DLG2: variants seen among roughly 807,000 people sequenced by gnomAD.
The protein encoded by DLG2 is disks large homolog 2.
Under a neutral mutation model 132.5 loss-of-function variants are expected in DLG2, and 45 were observed. The observed-to-expected ratio is 0.34, with a 90% confidence interval of 0.27 to 0.44. DLG2 has a LOEUF of 0.44. Ranked by LOEUF, DLG2 falls within the 20% of genes least tolerant of loss-of-function variation. The probability of loss-of-function intolerance (pLI) is 1.00; values close to 1 mark genes in which losing one functional copy is unlikely to be tolerated. For missense variants in DLG2, 1,045 were observed against 1,196.9 expected (o/e 0.87, Z 1.87); for synonymous variants, 424 against 419.6 (o/e 1.01, Z -0.13).
intron 7 of DLG2, among the ~76,000 whole-genome samples, chr11:84,516,558 T>G (rs1275106922): frequency 1.3e-5 from 2 of 151,542 alleles, no homozygotes; most frequent in Non-Finnish European, 3.0e-5. Context: ...ACAAGGAGAT[T>G]GAATCAGTAT....
chr11:84,055,468 A>T lies in DLG2; in HGVS notation c.919+3847T>A, dbSNP rs1405060248. On this transcript the variant is annotated intron_variant, in intron 11 of 27. Coordinates refer to ENST00000376104, the MANE Select transcript of DLG2 (RefSeq NM_001142699.3). ...TCAATATAAACACAAATCTTCAAAT[A>T]TGGTGAACAAAGCTAAGCATGATCT... Among the ~76,000 whole-genome samples the T allele has an allele frequency of 3.3e-5, 5 of 152,228 alleles. No homozygotes were observed. In the East Asian group the frequency reaches 9.7e-4, roughly 29 times the overall value.
At chr11:84,234,993 G>T (rs1036415213) in intron 8 of DLG2, among the ~76,000 whole-genome samples, 2 of 152,088 alleles carry the variant, frequency 1.3e-5, no homozygotes, top group African/African-American at 4.8e-5. Flanking sequence ...TCTATTATTC[G>T]CTGTGAAGCC....
At chr11:84,481,696 C>T (rs1043007771) in intron 7 of DLG2, among the ~76,000 whole-genome samples, 6 of 152,262 alleles carry the variant, frequency 3.9e-5, no homozygotes, top group South Asian at 2.1e-4. Flanking sequence ...TAGCTCTGTG[C>T]CCTCTGCTCC....
intron 7 of DLG2, among the ~76,000 whole-genome samples, chr11:84,473,755 ATACTT>A (rs1387946955): frequency 2.6e-5 from 4 of 152,078 alleles, no homozygotes; most frequent in Non-Finnish European, 5.9e-5. Flanking sequence ...ATGGCACTAA[ATACTT>A]TAAGTCAGAG....
intron 3 of DLG2, among the ~76,000 whole-genome samples, chr11:85,511,401 C>A (rs1251530751): frequency 6.6e-6 from 1 of 151,696 alleles, no homozygotes; most frequent in African/African-American, 2.4e-5. Flanking sequence ...AGAAATATGT[C>A]TTAATCCTAA....
At chr11:83,705,017 G>C (rs1329629266) in intron 18 of DLG2, among the ~76,000 whole-genome samples, 1 of 152,006 alleles carries the variant, frequency 6.6e-6, no homozygotes, top group Non-Finnish European at 1.5e-5. Flanking sequence ...TATACCTCCT[G>C]AATCTAAAAT....
intron 3 of DLG2, among the ~76,000 whole-genome samples, chr11:85,400,587 G>T (rs2087960858): frequency 1.4e-5 from 2 of 145,602 alleles, no homozygotes; most frequent in Non-Finnish European, 3.0e-5. Flanking sequence ...ATACACCATG[G>T]AATACTATGC....
intron 4 of DLG2, among the ~76,000 whole-genome samples, chr11:85,191,019 T>TA (rs1366829630): frequency 6.6e-6 from 1 of 152,194 alleles, no homozygotes; most frequent in Non-Finnish European, 1.5e-5. Flanking sequence ...ACTGGGTACA[T>TA]ACCCAGAGGA....
intron 5 of DLG2, among the ~76,000 whole-genome samples, chr11:85,142,206 AT>A (rs1182539615): frequency 1.3e-5 from 2 of 151,682 alleles, no homozygotes; most frequent in African/African-American, 4.8e-5. Context: ...ATATCTTTCC[AT>A]TTTTTGTGCC....
At chr11:84,641,459 C>T (rs748076011) in intron 6 of DLG2, among the ~76,000 whole-genome samples, 3 of 152,132 alleles carry the variant, frequency 2.0e-5, no homozygotes, top group Non-Finnish European at 4.4e-5. Context: ...TCAAAGATTC[C>T]CCTTCCTTCT....
At position 84,825,548 on chromosome 11, in the gene DLG2, C is replaced by T. The variant is rs149168647; in HGVS notation, c.357+286113G>A. Among the ~76,000 whole-genome samples, 725 of 151,974 alleles carry T rather than the reference C, an allele frequency of 4.8e-3. 5 individuals carry two copies. Among genetic ancestry groups the T allele is most frequent in the African/African-American group, 0.017 (688 of 41,514 alleles). Reference sequence around the variant, plus strand: ...TGATAAAGTTGTATTTCTTGACTCCCGCTGGTGTTTATATTGCTATTTCTC... The same window carrying T: ...TGATAAAGTTGTATTTCTTGACTCCTGCTGGTGTTTATATTGCTATTTCTC... On this transcript the variant is annotated intron_variant, in intron 6 of 27. Transcript: ENST00000376104.
intron 6 of DLG2, among the ~76,000 whole-genome samples, chr11:84,618,346 G>A (rs1027883188): frequency 6.6e-6 from 1 of 152,036 alleles, no homozygotes; most frequent in African/African-American, 2.4e-5. Flanking sequence ...CGTCATTACA[G>A]CACACAAGGC....
chr11:85,610,513 C>G (rs929964192), intron 2 of DLG2, among the ~76,000 whole-genome samples: 11 of 152,208 alleles, frequency 7.2e-5, no homozygotes, highest in Non-Finnish European at 1.0e-4. Flanking sequence ...TCCCAACTTA[C>G]ACAGACGATC....
At chr11:85,223,098 AC>A (rs1256272547) in intron 4 of DLG2, among the ~76,000 whole-genome samples, 1 of 152,178 alleles carries the variant, frequency 6.6e-6, no homozygotes, top group Non-Finnish European at 1.5e-5. Context: ...CAAGAAAGAA[AC>A]TTTGTTTGTT....
At chr11:85,153,174 T>C (rs537334881) in intron 5 of DLG2, among the ~76,000 whole-genome samples, 1 of 152,332 alleles carries the variant, frequency 6.6e-6, no homozygotes, top group East Asian at 1.9e-4. Flanking sequence ...GTGCCTGAGG[T>C]CACATGACTA....
chr11:84,259,259 T>C (rs1359188002), intron 7 of DLG2, among the ~76,000 whole-genome samples: 4 of 144,100 alleles, frequency 2.8e-5, no homozygotes, highest in Admixed American at 2.8e-4. Context: ...GGAGACTGTG[T>C]CTCGAAAAAA....
intron 7 of DLG2, among the ~76,000 whole-genome samples, chr11:84,325,134 GTTTAGCTTAGGACT>G (rs2098424111): frequency 6.6e-6 from 1 of 151,966 alleles, no homozygotes; most frequent in Admixed American, 6.6e-5. Context: ...TGAGTATGGT[GTTTAGCTTAGGACT>G]TTTCATATCT....
At chr11:85,183,103 TTAG>T (rs1468178836) in intron 4 of DLG2, among the ~76,000 whole-genome samples, 1 of 151,794 alleles carries the variant, frequency 6.6e-6, no homozygotes, top group Non-Finnish European at 1.5e-5. Flanking sequence ...CTGACCAAGC[TTAG>T]CAGAATATTA....
At chr11:85,193,864 C>T (rs61907838) in intron 4 of DLG2, among the ~76,000 whole-genome samples, 2,455 of 152,212 alleles carry the variant, frequency 0.016, 34 homozygotes, top group Non-Finnish European at 0.025. Context: ...AAGCACAATA[C>T]GGTTGTGCTA....
Sources: allele counts gnomAD v4.1 joint callset (sites outside exome capture counted in the v4.1 genomes callset), GRCh38; gene constraint gnomAD v4.1.1; transcripts MANE v1.5; gene names NCBI Gene and HGNC (gene_info 2026-07-23, HGNC 2026-07-21).